APP: variants seen among roughly 807,000 people sequenced by gnomAD.
APP encodes amyloid-beta precursor protein.
Under a neutral mutation model 101.4 loss-of-function variants are expected in APP, and 31 were observed. That is an observed-to-expected ratio of 0.31 (90% confidence interval 0.23 to 0.41). The LOEUF (loss-of-function observed/expected upper bound fraction) is 0.41, where lower values mean the gene tolerates loss of function less well. APP is among the 10% of genes least tolerant of loss of function. APP has a pLI of 1.00. For synonymous variants in APP, 366 were observed against 364.4 expected (o/e 1.00, Z -0.05); for missense variants, 839 against 1,003.7 (o/e 0.84, Z 2.22).
At chr21:25,924,379 T>A (rs1365495180) in intron 13 of APP, among the ~76,000 whole-genome samples, 14 of 51,072 alleles carry the variant, frequency 2.7e-4, no homozygotes, top group African/African-American at 7.4e-4. Context: ...TAAAGTATAA[T>A]AAAAAAAAAA....
intron 13 of APP, among the ~76,000 whole-genome samples, chr21:25,929,755 AAAT>A (rs1298038168): frequency 1.3e-5 from 2 of 152,184 alleles, no homozygotes; most frequent in Non-Finnish European, 2.9e-5. Context: ...AAAATTCCTC[AAAT>A]ATTAGTTTTC....
chr21:26,110,667 CT>C (rs1181898243), intron 2 of APP, among the ~76,000 whole-genome samples: 4 of 151,720 alleles, frequency 2.6e-5, no homozygotes, highest in African/African-American at 9.7e-5. Context: ...CAAATTAAAC[CT>C]TTTAATAATA....
intron 2 of APP, among the ~76,000 whole-genome samples, chr21:26,108,608 C>T (rs533238014): frequency 0.29 from 93 of 322 alleles, 1 homozygote; most frequent in Admixed American, 0.48. Context: ...AAGTCTAGGC[C>T]GGGTGCGGGT....
At chr21:26,166,497 A>G (rs1404540529) in intron 1 of APP, among the ~76,000 whole-genome samples, 1 of 152,190 alleles carries the variant, frequency 6.6e-6, no homozygotes, top group African/African-American at 2.4e-5. Flanking sequence ...CTGTCTACAA[A>G]GCCAATCTCC....
Position 26,140,249 on chromosome 21 carries a change from G to GA in APP, c.58-28104dup, listed in dbSNP as rs1464300958. 5.2e-6 allele frequency: 8 copies of GA among 1,535,934 alleles called. No homozygotes were observed. In the African/African-American group the frequency reaches 9.6e-5, roughly 18 times the overall value. ...ATTGTCAATTACATCAGCAACTGTG[G>GA]AATACTCCCTGAGATCAACAAACTG... is the stretch of plus-strand genomic sequence containing the variant. On this transcript the variant is annotated intron_variant, in intron 1 of 17. Transcript: ENST00000346798.
intron 4 of APP, among the ~76,000 whole-genome samples, chr21:26,051,843 T>C (rs894021870): frequency 2.6e-5 from 4 of 152,228 alleles, no homozygotes; most frequent in Admixed American, 2.6e-4. Context: ...GAAGGATGAA[T>C]AATTCAAGAC....
At chr21:25,990,106 CAA>C (rs372904510) in intron 8 of APP, among the ~76,000 whole-genome samples, 2 of 134,728 alleles carry the variant, frequency 1.5e-5, no homozygotes, top group Admixed American at 7.3e-5. Flanking sequence ...AAAATAACAA[CAA>C]AAGAAAAAAC....
intron 1 of APP, among the ~76,000 whole-genome samples, chr21:26,138,788 G>A (rs897125453): frequency 1.3e-5 from 2 of 152,124 alleles, no homozygotes; most frequent in Admixed American, 1.3e-4. Flanking sequence ...AATACAGTCA[G>A]TACCTGTTAC....
chr21:26,051,852 A>G (rs1012510407), intron 4 of APP, among the ~76,000 whole-genome samples: 3 of 152,234 alleles, frequency 2.0e-5, no homozygotes, highest in Non-Finnish European at 4.4e-5. Flanking sequence ...ATAATTCAAG[A>G]CATAAAGGTA....
intron 2 of APP, among the ~76,000 whole-genome samples, chr21:26,102,082 GTTTTTTTTTTTTTTTT>G (rs35680514): frequency 9.9e-6 from 1 of 101,144 alleles, no homozygotes; most frequent in Admixed American, 1.2e-4. Context: ...AAACTATGTG[GTTTTTTTTTTTTTTTT>G]TTTTTTGGAG....
intron 14 of APP, among the ~76,000 whole-genome samples, 196 bp downstream of exon 14, chr21:25,911,545 G>C (rs1226619150): frequency 3.9e-5 from 6 of 152,030 alleles, no homozygotes; most frequent in Non-Finnish European, 1.5e-5. Context: ...AATTTACACA[G>C]ATATATTATT....
intron 10 of APP, among the ~76,000 whole-genome samples, 194 bp from the exon 11 acceptor site, chr21:25,975,422 T>G (rs2042189383): frequency 6.6e-6 from 1 of 152,174 alleles, no homozygotes; most frequent in African/African-American, 2.4e-5. Context: ...TCTCCAACCC[T>G]CATCAAACCT....
At chr21:25,970,203 G>A (rs1158760933) in intron 11 of APP, among the ~76,000 whole-genome samples, 2 of 151,876 alleles carry the variant, frequency 1.3e-5, no homozygotes, top group Non-Finnish European at 2.9e-5. Context: ...CCCACAATAA[G>A]CACGATTACA....
At chr21:26,152,902 C>A (rs455921) in intron 1 of APP, among the ~76,000 whole-genome samples, 1 of 151,994 alleles carries the variant, frequency 6.6e-6, no homozygotes, top group Non-Finnish European at 1.5e-5. Flanking sequence ...TAAGTGGCCA[C>A]TGACTAATGA....
At position 26,124,142 on chromosome 21, in the gene APP, A is replaced by G. The variant is rs542357935; in HGVS notation, c.58-11996T>C. 5.9e-5 allele frequency among the ~76,000 whole-genome samples: 9 copies of G among 152,350 alleles called. No homozygotes were observed. The South Asian group carries it at 1.9e-3, about 32-fold the overall frequency. On this transcript the variant is annotated intron_variant, in intron 1 of 17. Transcript: ENST00000346798. The stretch of plus-strand genomic sequence containing the variant: ...TTAAGAAACACCTGGCATGAAAAAT[A>G]ATAACAGTAATAAACTAGAAGGTAG...
At chr21:25,885,215 C>T (rs1161288740) in intron 17 of APP, among the ~76,000 whole-genome samples, 3 of 152,200 alleles carry the variant, frequency 2.0e-5, no homozygotes, top group East Asian at 1.9e-4. Flanking sequence ...AATCTGAGTA[C>T]TCATGTCTAT....
At chr21:26,164,603 T>C (rs370394715) in intron 1 of APP, among the ~76,000 whole-genome samples, 31 of 152,138 alleles carry the variant, frequency 2.0e-4, no homozygotes, top group East Asian at 5.8e-4. Context: ...CATTAAAAAA[T>C]AGGTCTCTGG....
At chr21:26,034,638 C>CAAAA (rs201287871) in intron 5 of APP, among the ~76,000 whole-genome samples, 108 of 17,120 alleles carry the variant, frequency 6.3e-3, no homozygotes, top group African/African-American at 0.012. Context: ...CAAGACTTCT[C>CAAAA]AAAAAAAAAA....
chr21:25,911,856 G>C lies in APP; in HGVS notation c.1794C>G (p.Thr598=). 1 of 1,614,058 alleles carries C rather than the reference G, an allele frequency of 6.2e-7. No homozygotes were observed. The highest frequency in any genetic ancestry group is 8.5e-7 in the Non-Finnish European group (1 of 1,180,012). ...GGAGCTCCACGGTGGTTTTCGTTTCGGTCAAAGATGGCATGAGAGCATCGT... is the reference window on the plus strand; with the variant it reads ...GGAGCTCCACGGTGGTTTTCGTTTCCGTCAAAGATGGCATGAGAGCATCGT... The part of the protein sequence containing the change: ...YGNDALMPSL[T]ETKTTVELLP... The change falls in exon 14 of 18, where the codon ACC becomes ACG. Residue 598 remains threonine, a synonymous_variant. Coordinates refer to ENST00000346798, the MANE Select transcript of APP (RefSeq NM_000484.4).
Sources: gnomAD v4.1 joint callset for allele counts (sites outside exome capture counted in the v4.1 genomes callset) on GRCh38, gnomAD v4.1.1 for gene constraint, MANE v1.5 for transcripts, NCBI Gene and HGNC (gene_info 2026-07-23, HGNC 2026-07-21) for gene names.